COG8: variants seen among roughly 807,000 people sequenced by gnomAD.
The protein encoded by COG8 is conserved oligomeric Golgi complex subunit 8.
COG8 carries 45 observed loss-of-function variants against 46.5 expected under a neutral mutation model. The observed-to-expected ratio is 0.97, with a 90% CI of 0.76 to 1.24. The LOEUF is 1.24. Among genes scored for constraint, COG8 ranks in the 50% most tolerant of loss-of-function variants. COG8 has a pLI of 0.00. For missense variants in COG8, 793 were observed against 820.8 expected, an observed-to-expected ratio of 0.97 and a Z score of 0.41; for synonymous variants, 407 against 347.8, an observed-to-expected ratio of 1.17 and a Z score of -1.90.
chr16:69,326,507 A>C lies in COG8; in HGVS notation c.*2699T>G, dbSNP rs900808679. 9 of 152,232 alleles carry C rather than the reference A, an allele frequency of 5.9e-5. No individual in the cohort carries two copies. The highest frequency in any genetic ancestry group is 2.2e-4 in the African/African-American group (9 of 41,454). 9.4% of individuals were successfully genotyped at this position (152,232 alleles called of 1,614,324 possible). A position where few individuals can be genotyped will look rare whatever the true frequency, so the allele number is the denominator to read the frequency against. Reference sequence around the variant, plus strand: ...CGTTGTTTCCTCATTCCTACTGCTTAAACACCTTGACAAGTCCTAGGGGTT... The same window carrying C: ...CGTTGTTTCCTCATTCCTACTGCTTCAACACCTTGACAAGTCCTAGGGGTT... On this transcript the variant is annotated 3_prime_UTR_variant, in exon 6 of 6. Coordinates refer to ENST00000306875, the MANE Select transcript of COG8 (RefSeq NM_032382.5).
chr16:69,331,042 C>T lies in COG8; in HGVS notation c.1636G>A (p.Gly546Ser), dbSNP rs2011789600. The change falls in exon 5 of 6, where the codon GGC becomes AGC. Residue 546 changes from glycine (G) to serine (S), a missense_variant. Gly to Ser is a moderately conservative substitution (Grantham distance 56). Coordinates refer to ENST00000306875, the MANE Select transcript of COG8 (RefSeq NM_032382.5). The stretch of plus-strand genomic sequence containing the variant: ...AAGGCGAGGGGCTCCTGAATGGCGC[C>T]GATGTTCACATGCCCTAGGTTACCG... ...KYGNLGHVNIGAIQEPLAFIL... is the reference protein window; with the variant it reads ...KYGNLGHVNISAIQEPLAFIL... The T allele has an allele frequency of 1.9e-6, 3 of 1,613,794 alleles. No individual in the cohort carries two copies. Among genetic ancestry groups the T allele is most frequent in the African/African-American group, 1.3e-5 (1 of 74,900 alleles).
intron 5 of COG8, chr16:69,330,535 T>C (rs1297751993): frequency 4.7e-6 from 7 of 1,476,424 alleles, no homozygotes; most frequent in African/African-American, 4.4e-5. Flanking sequence ...CCGCCCACAG[T>C]GGCCAAAGAC....
intron 2 of COG8, among the ~76,000 whole-genome samples, chr16:69,336,221 G>A (rs1364621721): frequency 1.3e-5 from 2 of 152,076 alleles, no homozygotes; most frequent in African/African-American, 4.8e-5. Context: ...ACCACTATCT[G>A]AAATGATATC....
chr16:69,329,668 G>A (rs1354502166), intron 5 of COG8, among the ~76,000 whole-genome samples: 4 of 152,240 alleles, frequency 2.6e-5, no homozygotes, highest in Non-Finnish European at 5.9e-5. Context: ...GGCTGGCGGG[G>A]GCTAACCCCC....
At position 69,339,517 on chromosome 16, in the gene COG8, C is replaced by T. The variant is rs563479275; in HGVS notation, c.36G>A (p.Thr12=). The change falls in exon 1 of 6, where the codon ACG becomes ACA. Residue 12 remains threonine (T), a synonymous_variant. Coordinates refer to ENST00000306875, the MANE Select transcript of COG8 (RefSeq NM_032382.5). ...CCTCGCCGAGAGCCGCTGCTGTGGC[C>T]GTGGCTACCGATGGGATAGTCGCCG... ...ATAATIPSVA[T]ATAAALGEVE... The T allele has an allele frequency of 1.2e-5, 19 of 1,607,456 alleles. No individual in the cohort carries two copies. Among genetic ancestry groups the T allele is most frequent in the South Asian group, 3.3e-5 (3 of 90,980 alleles).
chr16:69,329,263 G>A, intron 5 of COG8, 84 bp from the exon 6 acceptor site: 1 of 1,392,770 alleles, frequency 7.2e-7, no homozygotes, highest in Non-Finnish European at 9.3e-7. Flanking sequence ...CCCGGTCCTG[G>A]CTGTTCCCAT....
Position 69,326,482 on chromosome 16 carries a change from C to T in COG8, c.*2724G>A, listed in dbSNP as rs773909498. On this transcript the variant is annotated 3_prime_UTR_variant, in exon 6 of 6. Transcript: ENST00000306875. Reference sequence around the variant, plus strand: ...CTAGTTACATTTACTTGAATCAGAACGTTGTTTCCTCATTCCTACTGCTTA... The same window carrying T: ...CTAGTTACATTTACTTGAATCAGAATGTTGTTTCCTCATTCCTACTGCTTA... 2.0e-5 allele frequency: 3 copies of T among 152,212 alleles called. No homozygotes were observed. The highest frequency in any genetic ancestry group is 1.9e-4 in the East Asian group (1 of 5,208). The allele number at this position is 152,212 out of a possible 1,614,324, so 9.4% of individuals were successfully genotyped here.
Position 69,339,276 on chromosome 16 carries a change from C to G in COG8, c.277G>C (p.Gly93Arg), listed in dbSNP as rs2012393602. The G allele has an allele frequency of 6.2e-7, 1 of 1,612,520 alleles. No individual in the cohort carries two copies. The highest frequency in any genetic ancestry group is 1.3e-5 in the African/African-American group (1 of 75,034). ...AFANYKTFIR[G>R]AECTERIHRL... ...TGGATGCGCTCGGTGCACTCGGCGC[C>G]GCGGATGAAGGTCTTGTAGTTAGCG... Residue 93 changes from glycine to arginine, a missense_variant, in exon 1 of 6, where the codon GGC (glycine) becomes CGC (arginine). Transcript: ENST00000306875.
intron 2 of COG8, 27 bp downstream of exon 2, chr16:69,336,478 T>C (rs775594691): frequency 2.5e-6 from 4 of 1,603,632 alleles, no homozygotes; most frequent in African/African-American, 1.3e-5. Context: ...AACATTACTT[T>C]GAGTCCTCTC....
chr16:69,335,019 A>C lies in COG8; in HGVS notation c.915T>G (p.Gly305=). The change falls in exon 3 of 6, where the codon GGT becomes GGG. Residue 305 remains glycine (G), a synonymous_variant. Coordinates refer to ENST00000306875, the MANE Select transcript of COG8 (RefSeq NM_032382.5). The part of the protein sequence containing the change: ...DEDPLLPPAM[G]EHTVNESAIF... Reference sequence around the variant, plus strand: ...TGGCACTCTCATTCACAGTGTGCTCACCCATGGCAGGGGGCAGCAGTGGGT... The same window carrying C: ...TGGCACTCTCATTCACAGTGTGCTCCCCCATGGCAGGGGGCAGCAGTGGGT... 6.2e-7 allele frequency: 1 copy of C among 1,614,146 alleles called. No individual in the cohort carries two copies. The highest frequency in any genetic ancestry group is 8.5e-7 in the Non-Finnish European group (1 of 1,180,022).
rs75934234 is a variant in COG8 at position 69,336,144 on chromosome 16, T to G, written c.585+361A>C. ...GTTACCTCCCTAGAAGAGTCCTTCT[T>G]GATCACCCTACCTAAAGAAACCTAC... On this transcript the variant is annotated intron_variant, in intron 2 of 5. Transcript: ENST00000306875. Among the ~76,000 whole-genome samples, 3 of 152,300 alleles carry G rather than the reference T, an allele frequency of 2.0e-5. No homozygotes were observed. In the East Asian group the frequency reaches 5.8e-4, roughly 29 times the overall value.
chr16:69,327,340 A>C lies in COG8; in HGVS notation c.*1866T>G, dbSNP rs150578971. 2 of 151,784 alleles carry C rather than the reference A, an allele frequency of 1.3e-5. No individual in the cohort carries two copies. Among genetic ancestry groups the C allele is most frequent in the African/African-American group, 2.4e-5 (1 of 41,300 alleles). 9.4% of individuals were successfully genotyped at this position (151,784 alleles called of 1,614,324 possible). ...CTACCAGCACACCCAGCTAATTTTC[A>C]TATTTTTAGTAGAAACAGTGTTTCG... On this transcript the variant is annotated 3_prime_UTR_variant, in exon 6 of 6. Transcript: ENST00000306875.
In COG8 at chr16:69,339,254, ATGCGCTCGG is replaced by A; in HGVS notation, c.290_298del (p.Thr97_Arg99del). ...CTCCACGTCGCCAAACAGGCGGTGGATGCGCTCGGTGCACTCGGCGCCGCGGATGAAGGT... is the reference window on the plus strand; with the variant it reads ...CTCCACGTCGCCAAACAGGCGGTGGATGCACTCGGCGCCGCGGATGAAGGT... On this transcript the variant is annotated inframe_deletion, in exon 1 of 6. Coordinates refer to ENST00000306875, the MANE Select transcript of COG8 (RefSeq NM_032382.5). 6.2e-7 allele frequency: 1 copy of A among 1,612,688 alleles called. No homozygotes were observed. Among genetic ancestry groups the A allele is most frequent in the Non-Finnish European group, 8.5e-7 (1 of 1,179,800 alleles).
intron 4 of COG8, 40 bp from the exon 5 acceptor site, chr16:69,331,135 C>T: frequency 6.2e-7 from 1 of 1,610,116 alleles, no homozygotes; most frequent in Non-Finnish European, 8.5e-7. Context: ...AAAACAGTTA[C>T]TAATAAAACT....
At position 69,330,695 on chromosome 16, in the gene COG8, C is replaced by T. The variant is rs900692880; in HGVS notation, c.*26+118G>A. 1.1e-5 allele frequency: 15 copies of T among 1,393,440 alleles called. No individual in the cohort carries two copies. In the African/African-American group the frequency reaches 1.9e-4, roughly 18 times the overall value. The allele number at this position is 1,393,440 out of a possible 1,614,324, so 86.3% of individuals were successfully genotyped here. ...ATCCCCGCCTTCCTGCTTAGACTGG[C>T]AGTGAGCACCGCCCCCTTCCGCTCT... On this transcript the variant is annotated intron_variant, in intron 5 of 5. Coordinates refer to ENST00000306875, the MANE Select transcript of COG8 (RefSeq NM_032382.5).
At chr16:69,330,643 G>A (rs960659660) in intron 5 of COG8, 170 bp downstream of exon 5, 105 of 1,409,008 alleles carry the variant, frequency 7.5e-5, no homozygotes, top group Non-Finnish European at 9.4e-5. Context: ...AGCGCCGTCG[G>A]CCAGCACACA....
chr16:69,331,458 A>AAAAG (rs1230449370), intron 4 of COG8, among the ~76,000 whole-genome samples: 3 of 77,096 alleles, frequency 3.9e-5, no homozygotes, highest in African/African-American at 1.7e-4. Flanking sequence ...CGTCTCAAAA[A>AAAAG]AAAAAAAAAA....
chr16:69,330,539 C>T, intron 5 of COG8: 1 of 1,478,854 alleles, frequency 6.8e-7, no homozygotes, highest in Non-Finnish European at 8.9e-7. Context: ...CCACAGTGGC[C>T]AAAGACTCAG....
At chr16:69,332,445 G>C (rs1032639011) in intron 4 of COG8, among the ~76,000 whole-genome samples, 6 of 152,162 alleles carry the variant, frequency 3.9e-5, no homozygotes, top group Non-Finnish European at 7.3e-5. Context: ...CTTCCGCTTA[G>C]CCAGATACAG....
Sources: allele counts gnomAD v4.1 joint callset (sites outside exome capture counted in the v4.1 genomes callset), GRCh38; gene constraint gnomAD v4.1.1; transcripts MANE v1.5; gene names NCBI Gene and HGNC (gene_info 2026-07-23, HGNC 2026-07-21).